RIT2: variants seen among roughly 807,000 people sequenced by gnomAD.
RIT2 encodes GTP-binding protein Rit2.
RIT2 carries 24 observed loss-of-function variants against 23.7 expected under a neutral mutation model. That is an observed-to-expected ratio of 1.01 (90% confidence interval 0.73 to 1.43). The LOEUF (loss-of-function observed/expected upper bound fraction) is 1.43. Among genes scored for constraint, RIT2 ranks in the 40% most tolerant of loss-of-function variants. The pLI is 0.00. For synonymous variants in RIT2, 107 were observed against 91.1 expected (o/e 1.17, Z -0.99); for missense variants, 236 against 266.9 (o/e 0.88, Z 0.81).
chr18:42,921,233 G>A (rs750142840), intron 4 of RIT2, among the ~76,000 whole-genome samples: 9 of 152,106 alleles, frequency 5.9e-5, no homozygotes, highest in Admixed American at 4.6e-4. Context: ...ACAGCCAGAA[G>A]CCAAATTTTT....
chr18:42,757,941 G>C (rs1055469560), intron 4 of RIT2, among the ~76,000 whole-genome samples: 1 of 151,754 alleles, frequency 6.6e-6, no homozygotes, highest in African/African-American at 2.4e-5. Flanking sequence ...TCTCCTCTCA[G>C]GCAAAGAGAG....
chr18:42,851,579 G>A (rs1020732587), intron 4 of RIT2, among the ~76,000 whole-genome samples: 2 of 152,066 alleles, frequency 1.3e-5, no homozygotes, highest in Non-Finnish European at 2.9e-5. Flanking sequence ...AGGGCTGGGC[G>A]CATGGCTCAG....
intron 2 of RIT2, among the ~76,000 whole-genome samples, chr18:42,988,900 G>A (rs559465481): frequency 3.3e-5 from 5 of 152,256 alleles, no homozygotes; most frequent in South Asian, 2.1e-4. Flanking sequence ...CACGGGTTAG[G>A]GCAGCAATCT....
At chr18:42,804,535 A>G (rs1295970847) in intron 4 of RIT2, among the ~76,000 whole-genome samples, 1 of 149,210 alleles carries the variant, frequency 6.7e-6, no homozygotes, top group East Asian at 2.0e-4. Flanking sequence ...AGCCTGGGCG[A>G]CAAGAGTGAA....
intron 1 of RIT2, among the ~76,000 whole-genome samples, chr18:43,045,676 G>A (rs1167719412): frequency 6.6e-6 from 1 of 152,104 alleles, no homozygotes; most frequent in Non-Finnish European, 1.5e-5. Flanking sequence ...TACCTTATCA[G>A]AAGGGCATTG....
chr18:42,915,922 A>G lies in RIT2; in HGVS notation c.426+7650T>C, dbSNP rs141928992. The stretch of plus-strand genomic sequence containing the variant: ...TATACACATGTATTATTATGTATAT[A>G]TTACACCATATGTGTATATATATTT... On this transcript the variant is annotated intron_variant, in intron 4 of 4. Coordinates refer to ENST00000326695, the MANE Select transcript of RIT2 (RefSeq NM_002930.4). Among the ~76,000 whole-genome samples the G allele has an allele frequency of 2.0e-3, 311 of 151,940 alleles. 2 individuals are homozygous for G. Among genetic ancestry groups the G allele is most frequent in the African/African-American group, 7.0e-3 (292 of 41,490 alleles).
At chr18:42,758,143 C>T (rs1913209221) in intron 4 of RIT2, among the ~76,000 whole-genome samples, 1 of 151,830 alleles carries the variant, frequency 6.6e-6, no homozygotes, top group African/African-American at 2.4e-5. Flanking sequence ...TTCATTTACG[C>T]TCTTATATCT....
intron 4 of RIT2, among the ~76,000 whole-genome samples, chr18:42,799,219 AG>A (rs1379563670): frequency 6.6e-6 from 1 of 152,196 alleles, no homozygotes; most frequent in Non-Finnish European, 1.5e-5. Context: ...ATGGATTAAA[AG>A]GCAATCCTTT....
intron 3 of RIT2, among the ~76,000 whole-genome samples, chr18:42,956,862 G>A (rs543489079): frequency 1.6e-4 from 25 of 152,236 alleles, no homozygotes; most frequent in African/African-American, 5.3e-4. Flanking sequence ...TGGCGTCCCG[G>A]AAGGCTGCTA....
Position 42,835,740 on chromosome 18 carries a change from G to C in RIT2, c.426+87832C>G, listed in dbSNP as rs528965505. ...TTCAGAATAACTGGAGATTAAATAA[G>C]AGTTATAAATAAATAGGTATAAATT... On this transcript the variant is annotated intron_variant, in intron 4 of 4. Transcript: ENST00000326695. Among the ~76,000 whole-genome samples, 39 of 152,096 alleles carry C rather than the reference G, an allele frequency of 2.6e-4. No individual in the cohort carries two copies. The South Asian group carries it at 7.3e-3, about 28-fold the overall frequency.
In RIT2 at chr18:43,066,833, A is replaced by G. The variant is rs574660095; in HGVS notation, c.104-32966T>C. On this transcript the variant is annotated intron_variant, in intron 1 of 4. Transcript: ENST00000326695. ...GAGCTTTTAAAGAAGAAAGGACAGC[A>G]TGGATCAATGTTCCTTTGATGTTTC... 8.6e-5 allele frequency among the ~76,000 whole-genome samples: 13 copies of G among 151,924 alleles called. No homozygotes were observed. In the South Asian group the frequency reaches 2.3e-3, roughly 27 times the overall value.
chr18:43,099,072 A>G (rs1168853198), intron 1 of RIT2, among the ~76,000 whole-genome samples: 1 of 151,966 alleles, frequency 6.6e-6, no homozygotes, highest in Non-Finnish European at 1.5e-5. Flanking sequence ...ATATATAACA[A>G]ATTTATTTGG....
chr18:42,925,832 C>A (rs777298934), intron 3 of RIT2, among the ~76,000 whole-genome samples: 4 of 151,418 alleles, frequency 2.6e-5, no homozygotes, highest in East Asian at 1.9e-4. Flanking sequence ...ATAATATATA[C>A]CTTTAATTAA....
chr18:42,853,942 C>T lies in RIT2; in HGVS notation c.426+69630G>A, dbSNP rs140680347. 4.5e-4 allele frequency among the ~76,000 whole-genome samples: 69 copies of T among 152,280 alleles called. No homozygotes were observed. In the East Asian group the frequency reaches 0.012, roughly 27 times the overall value. ...AAAACTTATTTTCAACTTGTAAGTT[C>T]TGTGTAAACTAGATTCAAAGGAGAT... On this transcript the variant is annotated intron_variant, in intron 4 of 4. Transcript: ENST00000326695.
chr18:42,936,810 G>A (rs1909470582), intron 3 of RIT2, among the ~76,000 whole-genome samples: 1 of 152,024 alleles, frequency 6.6e-6, no homozygotes, highest in Non-Finnish European at 1.5e-5. Context: ...TCAGGAGTTC[G>A]AGACCAGCTT....
rs114935965 is a variant in RIT2 at position 42,971,652 on chromosome 18, G to A, written c.234+2422C>T. On this transcript the variant is annotated intron_variant, in intron 3 of 4. Transcript: ENST00000326695. ...CATGATTTTTCTAGTTCACAAATCT[G>A]TGTGGTATCTGTAGCAGATCTGTTC... Among the ~76,000 whole-genome samples, 1,222 of 152,182 alleles carry A rather than the reference G, an allele frequency of 8.0e-3. 27 individuals are homozygous for A. The highest frequency in any genetic ancestry group is 0.028 in the African/African-American group (1,156 of 41,558).
intron 4 of RIT2, among the ~76,000 whole-genome samples, chr18:42,837,409 C>T (rs150971903): frequency 0.051 from 7,659 of 151,584 alleles, 604 homozygotes; most frequent in East Asian, 0.33. Context: ...CCTCATGATC[C>T]GCCCGACTTG....
intron 4 of RIT2, among the ~76,000 whole-genome samples, chr18:42,829,271 T>C (rs960212286): frequency 6.6e-6 from 1 of 152,206 alleles, no homozygotes; most frequent in Non-Finnish European, 1.5e-5. Context: ...TATATGATTA[T>C]CATGACTTTT....
chr18:43,019,221 A>C (rs923190751), intron 2 of RIT2, among the ~76,000 whole-genome samples: 5 of 152,056 alleles, frequency 3.3e-5, no homozygotes, highest in African/African-American at 9.7e-5. Flanking sequence ...GCATATCAAA[A>C]CCAGAATAAG....
Sources: gnomAD v4.1 joint callset for allele counts (sites outside exome capture counted in the v4.1 genomes callset) on GRCh38, gnomAD v4.1.1 for gene constraint, MANE v1.5 for transcripts, NCBI Gene and HGNC (gene_info 2026-07-23, HGNC 2026-07-21) for gene names.